CAPZB: variants seen among roughly 807,000 people sequenced by gnomAD.
CAPZB encodes the protein F-actin-capping protein subunit beta.
In CAPZB, 2 loss-of-function variants were observed where a neutral mutation model predicts 38.1. That is an observed-to-expected ratio of 0.05 (90% CI 0.02 to 0.17). CAPZB has a LOEUF of 0.17. Among genes scored for constraint, CAPZB ranks in the 10% least tolerant of loss-of-function variants. CAPZB has a pLI of 1.00. For missense variants in CAPZB, 161 were observed against 334.2 expected, an observed-to-expected ratio of 0.48 and a Z score of 4.04; for synonymous variants, 107 against 127.4, an observed-to-expected ratio of 0.84 and a Z score of 1.08.
At chr1:19,484,263 C>G in intron 1 of CAPZB, 1 of 1,612,030 alleles carries the variant, frequency 6.2e-7, no homozygotes, top group Non-Finnish European at 8.5e-7. Flanking sequence ...GGGGAGGCTG[C>G]GCCTGCTTGG....
At chr1:19,468,472 G>A (rs1321462251) in intron 1 of CAPZB, among the ~76,000 whole-genome samples, 1 of 152,136 alleles carries the variant, frequency 6.6e-6, no homozygotes, top group East Asian at 1.9e-4. Flanking sequence ...CATAGGAGGC[G>A]CTCAGGGAAT....
At chr1:19,350,192 G>A (rs1157922162) in intron 6 of CAPZB, among the ~76,000 whole-genome samples, 4 of 152,256 alleles carry the variant, frequency 2.6e-5, no homozygotes, top group African/African-American at 9.6e-5. Flanking sequence ...AGCGCGACCC[G>A]CAGGGCGTGG....
chr1:19,481,400 A>G (rs936072738), intron 1 of CAPZB, among the ~76,000 whole-genome samples: 1 of 152,138 alleles, frequency 6.6e-6, no homozygotes, highest in Non-Finnish European at 1.5e-5. Context: ...CCCTCTGCTC[A>G]CTGTGTTCTG....
intron 1 of CAPZB, among the ~76,000 whole-genome samples, chr1:19,466,864 C>T (rs934437267): frequency 2.0e-5 from 3 of 152,028 alleles, no homozygotes; most frequent in Admixed American, 6.6e-5. Flanking sequence ...TTTCTGCTTA[C>T]GAAGAGGCTA....
chr1:19,393,408 T>C (rs772438110), intron 2 of CAPZB, among the ~76,000 whole-genome samples: 4 of 152,120 alleles, frequency 2.6e-5, no homozygotes, highest in Non-Finnish European at 5.9e-5. Context: ...CTTAGGATAA[T>C]AGCCACGTGA....
At chr1:19,482,078 G>C (rs371443160) in intron 1 of CAPZB, among the ~76,000 whole-genome samples, 1 of 152,194 alleles carries the variant, frequency 6.6e-6, no homozygotes, top group African/African-American at 2.4e-5. Context: ...GGCTTCTAAC[G>C]GGCGAGGCAC....
chr1:19,346,244 A>G (rs1348899895), intron 6 of CAPZB, among the ~76,000 whole-genome samples: 1 of 152,160 alleles, frequency 6.6e-6, no homozygotes. Flanking sequence ...AAAATGTGGA[A>G]GCTGAAATAA....
At chr1:19,383,604 G>A (rs889364756) in intron 3 of CAPZB, among the ~76,000 whole-genome samples, 2 of 152,116 alleles carry the variant, frequency 1.3e-5, no homozygotes, top group African/African-American at 4.8e-5. Flanking sequence ...GCAGTTCCAG[G>A]CACAGAATGA....
chr1:19,415,199 A>G (rs556661530), intron 2 of CAPZB, among the ~76,000 whole-genome samples: 108 of 152,328 alleles, frequency 7.1e-4, no homozygotes, highest in Non-Finnish European at 9.7e-4. Context: ...GTCCATCTTA[A>G]AACTGGAGAC....
intron 1 of CAPZB, among the ~76,000 whole-genome samples, chr1:19,482,153 T>C (rs551364568): frequency 6.6e-6 from 1 of 152,258 alleles, no homozygotes; most frequent in African/African-American, 2.4e-5. Flanking sequence ...AATGTAAAAG[T>C]ATAGGATGTC....
intron 4 of CAPZB, among the ~76,000 whole-genome samples, chr1:19,363,686 C>G (rs1402424682): frequency 1.3e-5 from 2 of 152,128 alleles, no homozygotes; most frequent in African/African-American, 4.8e-5. Context: ...TGGAAACGTG[C>G]TCGGGGAATC....
intron 1 of CAPZB, chr1:19,484,246 GAGGGA>G (rs751562606): frequency 6.2e-7 from 1 of 1,612,524 alleles, no homozygotes; most frequent in Non-Finnish European, 8.5e-7. Context: ...TGACAGTTCA[GAGGGA>G]AGGGGAGGCT....
At chr1:19,343,531 G>A (rs761020367) in intron 8 of CAPZB, among the ~76,000 whole-genome samples, 2 of 152,214 alleles carry the variant, frequency 1.3e-5, no homozygotes, top group African/African-American at 2.4e-5. Context: ...GTGCCTCCTC[G>A]ACTGGACAAG....
chr1:19,435,007 A>AC (rs1553285792), intron 1 of CAPZB, among the ~76,000 whole-genome samples: 1 of 132,878 alleles, frequency 7.5e-6, no homozygotes, highest in Non-Finnish European at 1.7e-5. Flanking sequence ...GAAAAAAAAA[A>AC]ACACACTCAT....
rs113171278 is a variant in CAPZB at position 19,409,142 on chromosome 1, C to CT, written c.93+10518dup. Among the ~76,000 whole-genome samples, 434 of 152,128 alleles carry CT rather than the reference C, an allele frequency of 2.9e-3. 4 individuals carry two copies. The highest frequency in any genetic ancestry group is 0.01 in the African/African-American group (416 of 41,524). ...GTGAGTTGGGATAACAGGTTCAGTT[C>CT]TTTTTTTATTAACTGTGGGACTTCT... On this transcript the variant is annotated intron_variant, in intron 2 of 8. Coordinates refer to ENST00000264202, the MANE Select transcript of CAPZB (RefSeq NM_004930.5).
At chr1:19,400,020 T>C (rs1023095744) in intron 2 of CAPZB, among the ~76,000 whole-genome samples, 5 of 152,306 alleles carry the variant, frequency 3.3e-5, no homozygotes, top group Non-Finnish European at 4.4e-5. Context: ...AGGAAAAGGC[T>C]TGGAACCCAT....
At chr1:19,417,312 G>A (rs990494244) in intron 2 of CAPZB, among the ~76,000 whole-genome samples, 48 of 152,230 alleles carry the variant, frequency 3.2e-4, no homozygotes, top group African/African-American at 1.2e-3. Context: ...TCTATGTTTG[G>A]CTTATTTCTA....
At chr1:19,411,189 C>T (rs1050801537) in intron 2 of CAPZB, among the ~76,000 whole-genome samples, 1 of 151,950 alleles carries the variant, frequency 6.6e-6, no homozygotes, top group African/African-American at 2.4e-5. Flanking sequence ...ATGGTGAGAC[C>T]CCCATCTCTA....
intron 2 of CAPZB, among the ~76,000 whole-genome samples, chr1:19,415,719 A>G (rs1196813678): frequency 6.6e-6 from 1 of 152,170 alleles, no homozygotes; most frequent in Non-Finnish European, 1.5e-5. Context: ...GTTTTTTTTC[A>G]GTAGAGATGG....
Sources: gnomAD v4.1 joint callset for allele counts (sites outside exome capture counted in the v4.1 genomes callset) on GRCh38, gnomAD v4.1.1 for gene constraint, MANE v1.5 for transcripts, NCBI Gene and HGNC (gene_info 2026-07-23, HGNC 2026-07-21) for gene names.